PJA2: variants seen among roughly 807,000 people sequenced by gnomAD.
PJA2 encodes the protein E3 ubiquitin-protein ligase Praja-2.
In PJA2, 25 loss-of-function variants were observed where a neutral mutation model predicts 69.3. That is an observed-to-expected ratio of 0.36 (90% CI 0.26 to 0.50). PJA2 has a LOEUF of 0.50. Ranked by LOEUF, PJA2 falls within the 20% of genes least tolerant of loss-of-function variation. The pLI, the probability that PJA2 is intolerant of heterozygous loss-of-function variation, is 0.96. For synonymous variants in PJA2, 308 were observed against 277.8 expected, an observed-to-expected ratio of 1.11 and a Z score of -1.08; for missense variants, 809 against 830.2, an observed-to-expected ratio of 0.97 and a Z score of 0.31.
At position 109,363,016 on chromosome 5, in the gene PJA2, C is replaced by T; in HGVS notation, c.1476G>A (p.Gln492=). ...GAATTTCTCCCTCTTCCAAGGATGTCTGTTCCCTAGTACAAACATTTTAAA... is the reference window on the plus strand; with the variant it reads ...GAATTTCTCCCTCTTCCAAGGATGTTTGTTCCCTAGTACAAACATTTTAAA... ...NQELSLQEGE[Q]TSLEEGEIPW... is the part of the protein sequence containing the mutation. The change falls in exon 6 of 10, where the codon CAG becomes CAA. Residue 492 remains glutamine, a synonymous_variant. Coordinates refer to ENST00000361189, the MANE Select transcript of PJA2 (RefSeq NM_014819.5). 6.3e-7 allele frequency: 1 copy of T among 1,592,388 alleles called. No homozygotes were observed. Among genetic ancestry groups the T allele is most frequent in the Non-Finnish European group, 8.6e-7 (1 of 1,164,400 alleles).
At chr5:109,382,066 T>C (rs1411952650) in intron 2 of PJA2, among the ~76,000 whole-genome samples, 2 of 152,136 alleles carry the variant, frequency 1.3e-5, no homozygotes, top group Non-Finnish European at 2.9e-5. Flanking sequence ...CCTTATATAT[T>C]ATATTAATAT....
intron 9 of PJA2, among the ~76,000 whole-genome samples, chr5:109,342,011 G>GC (rs1762074677): frequency 1.5e-5 from 2 of 132,884 alleles, no homozygotes; most frequent in Non-Finnish European, 3.3e-5. Context: ...GGGGGGGTCG[G>GC]CCCCCCGCCG....
chr5:109,363,636 C>G (rs1196282771), intron 5 of PJA2, among the ~76,000 whole-genome samples: 1 of 152,208 alleles, frequency 6.6e-6, no homozygotes, highest in African/African-American at 2.4e-5. Context: ...GGAGGCCTGT[C>G]TTGAACATTC....
At chr5:109,376,417 C>A (rs1159152479) in intron 4 of PJA2, among the ~76,000 whole-genome samples, 3 of 151,944 alleles carry the variant, frequency 2.0e-5, no homozygotes, top group Non-Finnish European at 4.4e-5. Context: ...CCACTGACCA[C>A]CCCCAAAACA....
intron 1 of PJA2, among the ~76,000 whole-genome samples, chr5:109,392,227 G>T (rs997650955): frequency 6.6e-6 from 1 of 152,090 alleles, no homozygotes; most frequent in African/African-American, 2.4e-5. Context: ...GGCTTGTTAG[G>T]GAATAGGCAG....
At chr5:109,344,605 A>C (rs935866474) in intron 8 of PJA2, 100 bp downstream of exon 8, 2 of 835,286 alleles carry the variant, frequency 2.4e-6, no homozygotes, top group Admixed American at 5.2e-5. Flanking sequence ...AAATCTAGTG[A>C]AAGTTTCTAA....
At chr5:109,348,190 A>G (rs1393585659) in intron 7 of PJA2, among the ~76,000 whole-genome samples, 1 of 152,180 alleles carries the variant, frequency 6.6e-6, no homozygotes, top group Non-Finnish European at 1.5e-5. Context: ...GGCAACAGTG[A>G]TCTAACTGTA....
At chr5:109,358,986 G>A (rs1459405307) in intron 6 of PJA2, among the ~76,000 whole-genome samples, 3 of 152,166 alleles carry the variant, frequency 2.0e-5, no homozygotes, top group Non-Finnish European at 4.4e-5. Context: ...CCCTTGAACA[G>A]GGGCTTGAGC....
At chr5:109,406,337 G>A (rs1258066018) in intron 1 of PJA2, among the ~76,000 whole-genome samples, 2 of 152,162 alleles carry the variant, frequency 1.3e-5, no homozygotes, top group Admixed American at 6.5e-5. Context: ...ACCGCGCCAG[G>A]CCCACCCATT....
intron 9 of PJA2, among the ~76,000 whole-genome samples, chr5:109,342,555 C>T (rs1176431706): frequency 1.9e-5 from 2 of 106,872 alleles, no homozygotes; most frequent in East Asian, 3.2e-4. Context: ...CGGCCAGCCG[C>T]CCCGTCCGGG....
At chr5:109,393,749 T>C (rs1747335937) in intron 1 of PJA2, among the ~76,000 whole-genome samples, 1 of 152,040 alleles carries the variant, frequency 6.6e-6, no homozygotes, top group South Asian at 2.1e-4. Context: ...AGAATATATT[T>C]GTAGGCAGAA....
intron 6 of PJA2, among the ~76,000 whole-genome samples, chr5:109,362,132 T>C (rs373160073): frequency 6.6e-6 from 1 of 152,208 alleles, no homozygotes; most frequent in South Asian, 2.1e-4. Context: ...CACCAAGATA[T>C]CTTTTTTGCC....
chr5:109,337,667 G>A (rs1761972429), intron 9 of PJA2, among the ~76,000 whole-genome samples: 1 of 152,146 alleles, frequency 6.6e-6, no homozygotes, highest in African/African-American at 2.4e-5. Flanking sequence ...ATGGCAGAGG[G>A]TGAGCAAAGA....
intron 7 of PJA2, among the ~76,000 whole-genome samples, chr5:109,352,987 CTATAGATATCTATATATTAGATACCTATA>C (rs1762285342): frequency 1.6e-4 from 6 of 36,624 alleles, no homozygotes; most frequent in Non-Finnish European, 3.4e-4. Flanking sequence ...ATACCTATAT[CTATAGATATCTATATATTAGATACCTATA>C]TCTATAGATA....
In PJA2 at chr5:109,379,108, C is replaced by T; in HGVS notation, c.379G>A (p.Glu127Lys). 1 of 1,614,088 alleles carries T rather than the reference C, an allele frequency of 6.2e-7. No individual in the cohort carries two copies. Reference sequence around the variant, plus strand: ...CTGCTTCCTAAGGTATCCCTGCCTTCCTCACTGTGATGTACTGCAACAAAG... The same window carrying T: ...CTGCTTCCTAAGGTATCCCTGCCTTTCTCACTGTGATGTACTGCAACAAAG... ...QSFVAVHHSE[E>K]GRDTLGSSTN... Residue 127 changes from glutamate to lysine, a missense_variant, in exon 4 of 10, where the codon GAA (glutamate) becomes AAA (lysine). Transcript: ENST00000361189.
intron 9 of PJA2, among the ~76,000 whole-genome samples, chr5:109,341,985 C>A (rs1416959661): frequency 7.8e-6 from 1 of 128,194 alleles, no homozygotes; most frequent in Admixed American, 7.3e-5. Flanking sequence ...CCAGCCGCCC[C>A]GTCCGGGAGG....
chr5:109,403,522 A>T (rs1231708986), intron 1 of PJA2, among the ~76,000 whole-genome samples: 1 of 151,908 alleles, frequency 6.6e-6, no homozygotes, highest in Non-Finnish European at 1.5e-5. Flanking sequence ...TGAAACCAGC[A>T]TTATATGAAA....
At chr5:109,387,892 T>C (rs1747195548) in intron 1 of PJA2, among the ~76,000 whole-genome samples, 1 of 152,200 alleles carries the variant, frequency 6.6e-6, no homozygotes, top group South Asian at 2.1e-4. Context: ...ATTTAAACAG[T>C]TACTGAACAA....
At chr5:109,371,025 T>G (rs1762667227) in intron 4 of PJA2, among the ~76,000 whole-genome samples, 1 of 152,222 alleles carries the variant, frequency 6.6e-6, no homozygotes, top group African/African-American at 2.4e-5. Flanking sequence ...ACTACAGGCT[T>G]GGGTTCAAAC....
Sources: gnomAD v4.1 joint callset for allele counts (sites outside exome capture counted in the v4.1 genomes callset) on GRCh38, gnomAD v4.1.1 for gene constraint, MANE v1.5 for transcripts, NCBI Gene and HGNC (gene_info 2026-07-23, HGNC 2026-07-21) for gene names.